Variants in PI4KB observed in about 807,000 individuals in gnomAD.
PI4KB encodes phosphatidylinositol 4-kinase beta.
Under a neutral mutation model 81.4 loss-of-function variants are expected in PI4KB, and 23 were observed. The observed-to-expected ratio is 0.28, with a 90% CI of 0.20 to 0.40. PI4KB has a LOEUF of 0.40. Among genes scored for constraint, PI4KB ranks in the 10% least tolerant of loss-of-function variants. The pLI is 1.00. For synonymous variants in PI4KB, 381 were observed against 406.8 expected (o/e 0.94, Z 0.76); for missense variants, 651 against 1,036.6 (o/e 0.63, Z 5.11).
chr1:151,320,228 T>A (rs1211771651), intron 1 of PI4KB, among the ~76,000 whole-genome samples: 1 of 152,036 alleles, frequency 6.6e-6, no homozygotes, highest in Non-Finnish European at 1.5e-5. Context: ...AGAGGCAGGG[T>A]TTCACCATGT....
chr1:151,316,469 C>T lies in PI4KB; in HGVS notation c.13G>A (p.Val5Ile), dbSNP rs1232477879. 1.3e-5 allele frequency: 20 copies of T among 1,532,554 alleles called. No individual in the cohort carries two copies. The Admixed American group carries it at 2.8e-4, about 21-fold the overall frequency. 94.9% of individuals were successfully genotyped at this position (1,532,554 alleles called of 1,614,324 possible). A position where few individuals can be genotyped will look rare whatever the true frequency, so the allele number is the denominator to read the frequency against. The stretch of plus-strand genomic sequence containing the variant: ...GGCTTCAAGGGGGCAGGCTCCACTA[C>T]TGTATCTCCCATGGCCACAGCCAGA... MGDTVVEPAPLKPTS... is the reference protein window; with the variant it reads MGDTIVEPAPLKPTS... Residue 5 changes from valine (V) to isoleucine (I), a missense_variant, in exon 2 of 12, where the codon GTA becomes ATA. By Grantham distance (29) the Val-to-Ile change is conservative. This residue lies in a region of PI4KB where 314 missense variants were observed against 397.8 expected (regional missense o/e 0.79). Coordinates refer to ENST00000368873, the MANE Select transcript of PI4KB (RefSeq NM_001369623.2).
At chr1:151,309,248 G>A (rs778983063) in intron 3 of PI4KB, among the ~76,000 whole-genome samples, 3 of 152,196 alleles carry the variant, frequency 2.0e-5, no homozygotes, top group African/African-American at 7.2e-5. Flanking sequence ...CTGTCCCAAG[G>A]ACCCTCTACC....
chr1:151,327,216 A>AGGGGGGGGGC, intron 1 of PI4KB, 55 bp downstream of exon 1: 1 of 102,622 alleles, frequency 9.7e-6, no homozygotes, highest in Non-Finnish European at 1.8e-5. Context: ...TGGGAGAGGG[A>AGGGGGGGGGC]CCCCCCCCCC....
Position 151,294,070 on chromosome 1 carries a change from G to A in PI4KB, c.2217C>T (p.Ala739=), listed in dbSNP as rs765958243. The A allele has an allele frequency of 5.0e-6, 8 of 1,613,928 alleles. No homozygotes were observed. Among genetic ancestry groups the A allele is most frequent in the South Asian group, 1.1e-5 (1 of 91,078 alleles). ...YKMLMLQGLI[A]ARKHMDKVVQ... is the part of the protein sequence containing the mutation. ...CCACCTTGTCCATGTGTTTCCGAGC[G>A]GCAATCAGCCCTTGCAGCATCAGCA... is the stretch of plus-strand genomic sequence containing the variant. The change falls in exon 11 of 12, where the codon GCC becomes GCT. Residue 739 remains alanine (A), a synonymous_variant. Coordinates refer to ENST00000368873, the MANE Select transcript of PI4KB (RefSeq NM_001369623.2).
rs1694426567 is a variant in PI4KB, at chr1:151,292,994, C to T, written c.2309G>A (p.Arg770Gln). Residue 770 changes from arginine (R) to glutamine (Q), a missense_variant, in exon 12 of 12, where the codon CGA (arginine) becomes CAA (glutamine). Physicochemically the swap from Arg to Gln is conservative, Grantham distance 43. Around this residue, in one of 5 missense-constraint regions of PI4KB, gnomAD observed 70 missense variants for 108.1 expected, o/e 0.65. Transcript: ENST00000368873. ...LPCFHGSSTI[R>Q]NLKERFHMSM... ...CATGTGGAACCTCTCTTTGAGGTTTCGAATGGTGCTGGAGCCATGGAAGCA... is the reference window on the plus strand; with the variant it reads ...CATGTGGAACCTCTCTTTGAGGTTTTGAATGGTGCTGGAGCCATGGAAGCA... The T allele has an allele frequency of 1.2e-6, 2 of 1,613,950 alleles. No homozygotes were observed. The highest frequency in any genetic ancestry group is 1.7e-6 in the Non-Finnish European group (2 of 1,180,028).
intron 3 of PI4KB, 140 bp from the exon 4 acceptor site, chr1:151,307,941 T>C: frequency 3.1e-6 from 2 of 638,374 alleles, no homozygotes; most frequent in South Asian, 1.9e-5. Context: ...TTTTTAGTCT[T>C]AGTAGGAGCT....
At position 151,315,661 on chromosome 1, in the gene PI4KB, C is replaced by T. The variant is rs761617123; in HGVS notation, c.821G>A (p.Arg274His). 7.4e-6 allele frequency: 12 copies of T among 1,613,910 alleles called. No individual in the cohort carries two copies. Among genetic ancestry groups the T allele is most frequent in the East Asian group, 2.2e-5 (1 of 44,884 alleles). The change falls in exon 2 of 12, where the codon CGC (arginine) becomes CAC (histidine). Residue 274 changes from arginine to histidine, a missense_variant. Physicochemically the swap from Arg to His is conservative, Grantham distance 29. Coordinates refer to ENST00000368873, the MANE Select transcript of PI4KB (RefSeq NM_001369623.2). The part of the protein sequence containing the change: ...GLSPSKRTHQ[R>H]SKSDATASIS... ...GCTGGCAGTGGCATCTGACTTAGAGCGCTGGTGAGTCCTTTTGGAGGGAGA... is the reference window on the plus strand; with the variant it reads ...GCTGGCAGTGGCATCTGACTTAGAGTGCTGGTGAGTCCTTTTGGAGGGAGA...
intron 8 of PI4KB, chr1:151,300,742 CG>C (rs997768035): frequency 6.6e-6 from 1 of 152,174 alleles, no homozygotes; most frequent in African/African-American, 2.4e-5. Flanking sequence ...CTGATGAGCA[CG>C]GGAGTTCTGA....
At chr1:151,303,294 C>T (rs896518312) in intron 6 of PI4KB, 7 of 419,320 alleles carry the variant, frequency 1.7e-5, no homozygotes, top group South Asian at 4.6e-5. Context: ...CCACTATGCC[C>T]GGCCCCTCTG....
rs1695322390 is a variant in PI4KB, at chr1:151,301,937, A to G, written c.1656T>C (p.His552=). 1.2e-6 allele frequency: 2 copies of G among 1,613,746 alleles called. No homozygotes were observed. Among genetic ancestry groups the G allele is most frequent in the African/African-American group, 1.3e-5 (1 of 74,932 alleles). ...RRIREGSPYG[H]LPNWRLLSVI... ...CTGACAGGAGCCGCCAATTGGGGAG[A>G]TGGCCGTAGGGGGAGCCCTCTCTGA... is the stretch of plus-strand genomic sequence containing the variant. The change falls in exon 8 of 12, where the codon CAT becomes CAC. Residue 552 remains histidine (H), a synonymous_variant. Coordinates refer to ENST00000368873, the MANE Select transcript of PI4KB (RefSeq NM_001369623.2).
Position 151,299,024 on chromosome 1 carries a change from A to G in PI4KB, c.1799T>C (p.Ile600Thr). 1 of 1,614,124 alleles carries G rather than the reference A, an allele frequency of 6.2e-7. No homozygotes were observed. Among genetic ancestry groups the G allele is most frequent in the South Asian group, 1.1e-5 (1 of 91,072 alleles). Residue 600 changes from isoleucine (I) to threonine (T), a missense_variant, in exon 9 of 12, where the codon ATT becomes ACT. Coordinates refer to ENST00000368873, the MANE Select transcript of PI4KB (RefSeq NM_001369623.2). ...RVPLWIKPYK[I>T]LVISADSGMI... ...GCCACTATCAGCCGAAATCACAAGA[A>G]TCTTGTATGGCTTGATCCAAAGGGG...
At position 151,303,666 on chromosome 1, in the gene PI4KB, T is replaced by C. The variant is rs587656950; in HGVS notation, c.1411-16A>G. On this transcript the variant is annotated splice_polypyrimidine_tract_variant and intron_variant, in intron 5 of 11. Coordinates refer to ENST00000368873, the MANE Select transcript of PI4KB (RefSeq NM_001369623.2). ...CTTCGGGGAGCTGGAGAAAGGGGAG[T>C]GCTGGTCAGAAGTGCTAAAGTATAG... is the stretch of plus-strand genomic sequence containing the variant. The C allele has an allele frequency of 1.3e-6, 2 of 1,562,662 alleles. No homozygotes were observed. Among genetic ancestry groups the C allele is most frequent in the Admixed American group, 3.3e-5 (2 of 59,886 alleles).
chr1:151,302,341 C>G lies in PI4KB; in HGVS notation c.1521-43G>C, dbSNP rs188438048. 36 of 1,397,962 alleles carry G rather than the reference C, an allele frequency of 2.6e-5. No homozygotes were observed. In the African/African-American group the frequency reaches 4.2e-4, roughly 16 times the overall value. The allele number at this position is 1,397,962 out of a possible 1,614,324, so 86.6% of individuals were successfully genotyped here. ...CATCATTTGCTTGGAGAAGCTACCCCCAAGCCCCATGCCCAGTCTATACTG... is the reference window on the plus strand; with the variant it reads ...CATCATTTGCTTGGAGAAGCTACCCGCAAGCCCCATGCCCAGTCTATACTG... On this transcript the variant is annotated intron_variant, in intron 6 of 11. Coordinates refer to ENST00000368873, the MANE Select transcript of PI4KB (RefSeq NM_001369623.2).
chr1:151,326,190 C>G, intron 1 of PI4KB: 1 of 1,612,020 alleles, frequency 6.2e-7, no homozygotes. Flanking sequence ...TCAATTTCCA[C>G]GCAGGCCTGT....
intron 9 of PI4KB, among the ~76,000 whole-genome samples, 168 bp from the exon 10 acceptor site, chr1:151,294,709 T>C (rs1408790127): frequency 6.6e-6 from 1 of 152,124 alleles, no homozygotes; most frequent in Non-Finnish European, 1.5e-5. Context: ...GACCTAAAGC[T>C]ATCAGTGGAA....
intron 2 of PI4KB, among the ~76,000 whole-genome samples, chr1:151,311,839 T>C (rs1214584928): frequency 2.0e-5 from 3 of 152,252 alleles, no homozygotes; most frequent in Non-Finnish European, 4.4e-5. Context: ...GAAGGCCTAC[T>C]GGGGCTTCCA....
chr1:151,305,692 C>T (rs2101953315), intron 5 of PI4KB, among the ~76,000 whole-genome samples: 1 of 152,316 alleles, frequency 6.6e-6, no homozygotes, highest in African/African-American at 2.4e-5. Flanking sequence ...GCCTTGTTCT[C>T]TTTCCAGTTA....
At chr1:151,306,090 G>A (rs1253744016) in intron 5 of PI4KB, 46 bp downstream of exon 5, 1 of 1,484,396 alleles carries the variant, frequency 6.7e-7, no homozygotes, top group Non-Finnish European at 9.4e-7. Flanking sequence ...AAAGCTCCTG[G>A]AGAAAGCTCC....
At chr1:151,326,231 T>G in intron 1 of PI4KB, 1 of 1,584,658 alleles carries the variant, frequency 6.3e-7, no homozygotes. Context: ...TCCGGAGTAG[T>G]CAACCAAGTG....
Sources: gnomAD v4.1 joint callset for allele counts (sites outside exome capture counted in the v4.1 genomes callset) on GRCh38, gnomAD v4.1.1 for gene constraint, gnomAD v4.1.1 regional missense constraint, MANE v1.5 for transcripts, NCBI Gene and HGNC (gene_info 2026-07-23, HGNC 2026-07-21) for gene names.